The following RNFT2 variants were observed in gnomAD, a reference collection of about 807,000 sequenced individuals.
RNFT2 encodes the protein E3 ubiquitin-protein ligase RNFT2.
Under a neutral mutation model 53.0 loss-of-function variants are expected in RNFT2, and 36 were observed. The observed-to-expected ratio is 0.68, with a 90% confidence interval of 0.52 to 0.90. The LOEUF (loss-of-function observed/expected upper bound fraction) is 0.90, where lower values mean the gene tolerates loss of function less well. Ranked by LOEUF, RNFT2 falls within the 40% of genes least tolerant of loss-of-function variation. RNFT2 has a pLI of 0.00. For synonymous variants in RNFT2, 260 were observed against 253.2 expected, an observed-to-expected ratio of 1.03 and a Z score of -0.26; for missense variants, 514 against 585.6, an observed-to-expected ratio of 0.88 and a Z score of 1.26.
intron 6 of RNFT2, 80 bp from the exon 7 acceptor site, chr12:116,779,115 G>GTGAT: frequency 6.9e-7 from 1 of 1,457,312 alleles, no homozygotes; most frequent in Non-Finnish European, 9.5e-7. Flanking sequence ...GTGATACTTA[G>GTGAT]AAGGCTCCTG....
chr12:116,773,271 G>A (rs1873282383), intron 6 of RNFT2, among the ~76,000 whole-genome samples: 1 of 152,174 alleles, frequency 6.6e-6, no homozygotes, highest in African/African-American at 2.4e-5. Context: ...CGCAAGTAAC[G>A]TCTATTGACA....
chr12:116,816,129 G>A (rs937494866), intron 7 of RNFT2, among the ~76,000 whole-genome samples: 5 of 152,180 alleles, frequency 3.3e-5, no homozygotes, highest in African/African-American at 9.7e-5. Context: ...ACGCCTTTTC[G>A]TAGCTAACAG....
At chr12:116,833,384 G>A (rs1332337053) in intron 7 of RNFT2, among the ~76,000 whole-genome samples, 1 of 152,228 alleles carries the variant, frequency 6.6e-6, no homozygotes, top group Non-Finnish European at 1.5e-5. Context: ...CGCCTGTGAT[G>A]CTCGAGTCAG....
chr12:116,748,843 C>A (rs1872033801), intron 3 of RNFT2: 1 of 239,868 alleles, frequency 4.2e-6, no homozygotes, highest in Non-Finnish European at 8.7e-6. Context: ...TCGAATCTCC[C>A]CTGCTCCATC....
At chr12:116,761,508 G>A (rs947962364) in intron 5 of RNFT2, among the ~76,000 whole-genome samples, 4 of 152,138 alleles carry the variant, frequency 2.6e-5, no homozygotes, top group African/African-American at 9.7e-5. Flanking sequence ...GCTGCTGGGT[G>A]GACATAGAGC....
intron 4 of RNFT2, among the ~76,000 whole-genome samples, chr12:116,751,497 G>A (rs528467946): frequency 9.1e-4 from 137 of 151,260 alleles, no homozygotes; most frequent in African/African-American, 3.3e-3. Context: ...TCCACCTCCC[G>A]GGTTCAAGCA....
At chr12:116,770,242 T>C (rs1873114386) in intron 6 of RNFT2, among the ~76,000 whole-genome samples, 1 of 152,236 alleles carries the variant, frequency 6.6e-6, no homozygotes, top group Non-Finnish European at 1.5e-5. Flanking sequence ...GTTTTTACTG[T>C]GCCCTTTCTG....
intron 5 of RNFT2, among the ~76,000 whole-genome samples, chr12:116,763,322 A>T (rs1038677497): frequency 2.6e-5 from 4 of 152,204 alleles, no homozygotes; most frequent in Admixed American, 6.5e-5. Flanking sequence ...ACCACAATGC[A>T]GTACCACCTT....
intron 7 of RNFT2, among the ~76,000 whole-genome samples, chr12:116,829,355 A>G (rs537617828): frequency 1.5e-4 from 23 of 152,150 alleles, no homozygotes; most frequent in African/African-American, 5.3e-4. Context: ...CATCTTCCCA[A>G]AAGTTCCAGA....
Position 116,751,553 on chromosome 12 carries a change from G to A in RNFT2, c.550+1246G>A, listed in dbSNP as rs971801442. ...CGAGTGACTGGGATTACAGGCAACC[G>A]CCACCACACCCAGCTAATTTTTGTA... On this transcript the variant is annotated intron_variant, in intron 4 of 10. Coordinates refer to ENST00000257575, the MANE Select transcript of RNFT2 (RefSeq NM_001382266.1). 9.2e-5 allele frequency among the ~76,000 whole-genome samples: 14 copies of A among 151,976 alleles called. No individual in the cohort carries two copies. In the East Asian group the frequency reaches 1.2e-3, roughly 13 times the overall value.
rs955738784 is a variant in RNFT2, at chr12:116,749,919, C to T, written c.162C>T (p.Ala54=). ...GVFESLKAEA[A]SPPALFSGLS... The stretch of plus-strand genomic sequence containing the variant: ...TTGAGAGTCTGAAGGCAGAGGCAGC[C>T]TCCCCACCAGCGCTCTTCTCGGGCT... Residue 54 remains alanine, a synonymous_variant, in exon 4 of 11, where the codon GCC becomes GCT. Transcript: ENST00000257575. The T allele has an allele frequency of 6.9e-6, 11 of 1,584,402 alleles. No individual in the cohort carries two copies. The highest frequency in any genetic ancestry group is 9.4e-6 in the Non-Finnish European group (11 of 1,165,306).
chr12:116,784,331 A>G (rs2137123473), intron 7 of RNFT2, among the ~76,000 whole-genome samples: 1 of 152,280 alleles, frequency 6.6e-6, no homozygotes. Flanking sequence ...TCCCCAGTTC[A>G]GCTCTTGGGA....
In RNFT2 at chr12:116,749,913, G is replaced by C. The variant is rs1404646477; in HGVS notation, c.156G>C (p.Glu52Asp). Residue 52 changes from glutamate (E) to aspartate (D), a missense_variant, in exon 4 of 11, where the codon GAG becomes GAC. Physicochemically the swap from Glu to Asp is conservative, Grantham distance 45 (BLOSUM62 2). Coordinates refer to ENST00000257575, the MANE Select transcript of RNFT2 (RefSeq NM_001382266.1). ...GCGTCTTTGAGAGTCTGAAGGCAGAGGCAGCCTCCCCACCAGCGCTCTTCT... is the reference window on the plus strand; with the variant it reads ...GCGTCTTTGAGAGTCTGAAGGCAGACGCAGCCTCCCCACCAGCGCTCTTCT... ...EGGVFESLKA[E>D]AASPPALFSG... The C allele has an allele frequency of 3.2e-6, 5 of 1,586,248 alleles. No homozygotes were observed. Among genetic ancestry groups the C allele is most frequent in the Admixed American group, 3.6e-5 (2 of 55,804 alleles).
intron 5 of RNFT2, among the ~76,000 whole-genome samples, chr12:116,756,026 A>G (rs1872495901): frequency 6.6e-6 from 1 of 152,114 alleles, no homozygotes; most frequent in South Asian, 2.1e-4. Context: ...CTTTTTGCTT[A>G]GTCTTGCTTC....
chr12:116,800,667 T>C (rs746693104), intron 7 of RNFT2, among the ~76,000 whole-genome samples: 2 of 147,780 alleles, frequency 1.4e-5, no homozygotes, highest in Admixed American at 6.8e-5. Flanking sequence ...TGCAAAAAAT[T>C]AGCTGGCACT....
chr12:116,841,855 A>AGAG (rs1565876093), intron 10 of RNFT2, among the ~76,000 whole-genome samples: 2 of 24,520 alleles, frequency 8.2e-5, no homozygotes, highest in African/African-American at 3.1e-4. Flanking sequence ...AAATATATAT[A>AGAG]AAAATATATA....
At position 116,749,902 on chromosome 12, in the gene RNFT2, C is replaced by G. The variant is rs370708267; in HGVS notation, c.145C>G (p.Leu49Val). The change falls in exon 4 of 11, where the codon CTG becomes GTG. Residue 49 changes from leucine to valine, a missense_variant. This residue lies in a region of RNFT2 where 237 missense variants were observed against 235.1 expected (regional missense o/e 1.01). Transcript: ENST00000257575. ...SVDEGGVFESLKAEAASPPAL... is the reference protein window; with the variant it reads ...SVDEGGVFESVKAEAASPPAL... The stretch of plus-strand genomic sequence containing the variant: ...GGATGAAGGTGGCGTCTTTGAGAGT[C>G]TGAAGGCAGAGGCAGCCTCCCCACC... 2.2e-5 allele frequency: 35 copies of G among 1,588,422 alleles called. No homozygotes were observed. Among genetic ancestry groups the G allele is most frequent in the Non-Finnish European group, 2.9e-5 (34 of 1,167,442 alleles).
In RNFT2 at chr12:116,853,496, G is replaced by T; in HGVS notation, c.*4048G>T. On this transcript the variant is annotated 3_prime_UTR_variant, in exon 11 of 11. Coordinates refer to ENST00000257575, the MANE Select transcript of RNFT2 (RefSeq NM_001382266.1). The stretch of plus-strand genomic sequence containing the variant: ...AGACATCCGGGCTGCTGAGACTCGG[G>T]ATTAGAAGAAAGAGAGGTAAATAAA... The T allele has an allele frequency of 3.4e-6, 1 of 294,096 alleles. No homozygotes were observed. The allele number at this position is 294,096 out of a possible 1,614,324, so 18.2% of individuals were successfully genotyped here.
Position 116,853,176 on chromosome 12 carries a change from G to A in RNFT2, c.*3728G>A, listed in dbSNP as rs1000429946. ...TACATGAATTCCCCTATACCAGTGCGAAAGCAGCCAGGAGTCCCCGTTGGA... is the reference window on the plus strand; with the variant it reads ...TACATGAATTCCCCTATACCAGTGCAAAAGCAGCCAGGAGTCCCCGTTGGA... On this transcript the variant is annotated 3_prime_UTR_variant, in exon 11 of 11. Transcript: ENST00000257575. The A allele has an allele frequency of 1.1e-4, 44 of 399,682 alleles. 1 individual carries two copies. In the Middle Eastern group the frequency reaches 1.9e-3, roughly 17 times the overall value. The allele number at this position is 399,682 out of a possible 1,614,324, so 24.8% of individuals were successfully genotyped here.
Sources: gnomAD v4.1 joint callset for allele counts (sites outside exome capture counted in the v4.1 genomes callset) on GRCh38, gnomAD v4.1.1 for gene constraint, gnomAD v4.1.1 regional missense constraint, MANE v1.5 for transcripts, NCBI Gene and HGNC (gene_info 2026-07-23, HGNC 2026-07-21) for gene names.